RAB18: variants seen among roughly 807,000 people sequenced by gnomAD.
The protein encoded by RAB18 is ras-related protein Rab-18.
A neutral mutation model predicts 28.5 loss-of-function variants in RAB18; 10 were observed. The ratio of observed to expected loss-of-function variants is 0.35; its 90% CI spans 0.22 to 0.60. The LOEUF (loss-of-function observed/expected upper bound fraction) is 0.60, where lower values mean the gene tolerates loss of function less well. RAB18 is among the 20% of genes least tolerant of loss of function. The pLI, the probability that RAB18 is intolerant of heterozygous loss-of-function variation, is 0.78. For missense variants in RAB18, 188 were observed against 244.2 expected (o/e 0.77, Z 1.53); for synonymous variants, 93 against 86.9 (o/e 1.07, Z -0.39).
chr10:27,505,318 A>T (rs1458476624), intron 1 of RAB18: 1 of 370,584 alleles, frequency 2.7e-6, no homozygotes, highest in African/African-American at 2.1e-5. Flanking sequence ...GGCCGTCCTG[A>T]TCCTTAAACC....
At chr10:27,526,594 A>T (rs1834677808) in intron 2 of RAB18, among the ~76,000 whole-genome samples, 1 of 152,236 alleles carries the variant, frequency 6.6e-6, no homozygotes, top group Non-Finnish European at 1.5e-5. Context: ...TTGGAAGAAT[A>T]GAAGGTAGGT....
chr10:27,506,881 T>C (rs1837852903), intron 1 of RAB18, among the ~76,000 whole-genome samples: 1 of 151,984 alleles, frequency 6.6e-6, no homozygotes, highest in African/African-American at 2.4e-5. Flanking sequence ...CCTCAATACG[T>C]AGCAATGGAT....
intron 6 of RAB18, among the ~76,000 whole-genome samples, chr10:27,537,618 A>G (rs970670621): frequency 2.6e-5 from 4 of 152,344 alleles, no homozygotes; most frequent in South Asian, 2.1e-4. Context: ...ACAAGTTACA[A>G]TTCTATCACA....
intron 2 of RAB18, among the ~76,000 whole-genome samples, chr10:27,525,459 G>A (rs1834653642): frequency 6.6e-6 from 1 of 151,082 alleles, no homozygotes; most frequent in Non-Finnish European, 1.5e-5. Context: ...GGAAGAAAAT[G>A]TAGATAATTT....
chr10:27,509,653 A>G (rs761178176), intron 1 of RAB18, among the ~76,000 whole-genome samples: 1 of 152,182 alleles, frequency 6.6e-6, no homozygotes, highest in African/African-American at 2.4e-5. Context: ...CACGGGGAAT[A>G]TATTTCATAG....
In RAB18 at chr10:27,537,933, A is replaced by T; in HGVS notation, c.503A>T (p.Lys168Met). The T allele has an allele frequency of 6.2e-7, 1 of 1,614,082 alleles. No individual in the cohort carries two copies. Among genetic ancestry groups the T allele is most frequent in the Non-Finnish European group, 8.5e-7 (1 of 1,180,000 alleles). ...TGTGCCTTTGAAGAACTTGTTGAAA[A>T]GATCATTCAGACCCCTGGACTGTGG... ...VQCAFEELVEKIIQTPGLWES... is the reference protein window; with the variant it reads ...VQCAFEELVEMIIQTPGLWES... Residue 168 changes from lysine to methionine, a missense_variant, in exon 7 of 7, where the codon AAG becomes ATG. Transcript: ENST00000356940.
At chr10:27,522,882 A>AT (rs1040341185) in intron 2 of RAB18, among the ~76,000 whole-genome samples, 5 of 151,182 alleles carry the variant, frequency 3.3e-5, no homozygotes, top group Non-Finnish European at 7.4e-5. Context: ...CTTTGTAATG[A>AT]TTTTTTTTGT....
At chr10:27,532,946 A>C (rs1834817777) in intron 4 of RAB18, among the ~76,000 whole-genome samples, 1 of 152,066 alleles carries the variant, frequency 6.6e-6, no homozygotes, top group African/African-American at 2.4e-5. Flanking sequence ...TGATTAGTAG[A>C]ATCTGCTTTA....
rs1834988290 is a variant in RAB18 at position 27,539,957 on chromosome 10, T to A, written c.*1906T>A. The A allele has an allele frequency of 2.2e-6, 1 of 453,468 alleles. No individual in the cohort carries two copies. Among genetic ancestry groups the A allele is most frequent in the East Asian group, 6.9e-5 (1 of 14,392 alleles). The allele number at this position is 453,468 out of a possible 1,614,324, so 28.1% of individuals were successfully genotyped here. Reference sequence around the variant, plus strand: ...TTGTTGCAAGCTTAGTGTTTTGTAGTGGAGGTTTTGTAAATGAAACAGTTG... The same window carrying A: ...TTGTTGCAAGCTTAGTGTTTTGTAGAGGAGGTTTTGTAAATGAAACAGTTG... On this transcript the variant is annotated 3_prime_UTR_variant, in exon 7 of 7. Transcript: ENST00000356940.
chr10:27,524,925 GCTAC>G (rs1419838152), intron 2 of RAB18, among the ~76,000 whole-genome samples: 3 of 152,218 alleles, frequency 2.0e-5, no homozygotes, highest in Non-Finnish European at 4.4e-5. Flanking sequence ...GCCCCTTCAG[GCTAC>G]CTGTGTCTGT....
chr10:27,515,830 C>T (rs951083035), intron 2 of RAB18, among the ~76,000 whole-genome samples: 14 of 152,022 alleles, frequency 9.2e-5, no homozygotes, highest in African/African-American at 3.1e-4. Flanking sequence ...TCTGATCCTC[C>T]TTCCTTCTTT....
rs1834942731 is a variant in RAB18, at chr10:27,538,275, T to A, written c.*224T>A. On this transcript the variant is annotated 3_prime_UTR_variant, in exon 7 of 7. Coordinates refer to ENST00000356940, the MANE Select transcript of RAB18 (RefSeq NM_021252.5). Reference sequence around the variant, plus strand: ...GTTTTTTTATGTAGCACAAAATAGGTGTACCTTTATAAGTACATTCAATTT... The same window carrying A: ...GTTTTTTTATGTAGCACAAAATAGGAGTACCTTTATAAGTACATTCAATTT... The A allele has an allele frequency of 9.1e-6, 6 of 658,346 alleles. No individual in the cohort carries two copies. The highest frequency in any genetic ancestry group is 1.7e-5 in the Non-Finnish European group (6 of 360,042). The allele number at this position is 658,346 out of a possible 1,614,324, so 40.8% of individuals were successfully genotyped here. A position where few individuals can be genotyped will look rare whatever the true frequency, so the allele number is the denominator to read the frequency against.
At chr10:27,529,462 T>G (rs1834744650) in intron 3 of RAB18, among the ~76,000 whole-genome samples, 1 of 151,960 alleles carries the variant, frequency 6.6e-6, no homozygotes. Flanking sequence ...AATAGAATAA[T>G]TAAGCATAGC....
At position 27,541,387 on chromosome 10, in the gene RAB18, C is replaced by T. The variant is rs550002864; in HGVS notation, c.*3336C>T. On this transcript the variant is annotated 3_prime_UTR_variant, in exon 7 of 7. Transcript: ENST00000356940. ...TTTTTCTCTCCTCAGTTGGGAACAT[C>T]TATCATGCTGGAGGACTACTGTGAT... The T allele has an allele frequency of 4.4e-6, 2 of 452,220 alleles. No individual in the cohort carries two copies. The highest frequency in any genetic ancestry group is 3.1e-5 in the South Asian group (2 of 64,420). 28.0% of individuals were successfully genotyped at this position (452,220 alleles called of 1,614,324 possible).
intron 3 of RAB18, chr10:27,531,402 A>T: frequency 2.9e-6 from 4 of 1,384,026 alleles, no homozygotes. Flanking sequence ...AACCTCTTAC[A>T]GGTTATTCTA....
chr10:27,514,420 G>A (rs1834390108), intron 2 of RAB18, among the ~76,000 whole-genome samples: 1 of 151,928 alleles, frequency 6.6e-6, no homozygotes, highest in Non-Finnish European at 1.5e-5. Context: ...GAAAATGCAA[G>A]GTAAGCTGAT....
chr10:27,515,482 A>G (rs539481233), intron 2 of RAB18, among the ~76,000 whole-genome samples: 1 of 152,294 alleles, frequency 6.6e-6, no homozygotes, highest in African/African-American at 2.4e-5. Context: ...AATATGTGAA[A>G]ATGTCTTTTG....
intron 1 of RAB18, 149 bp from the exon 2 acceptor site, chr10:27,509,726 A>G: frequency 1.4e-6 from 1 of 709,158 alleles, no homozygotes; most frequent in Non-Finnish European, 2.5e-6. Flanking sequence ...TTCTGTGTAT[A>G]CCTGCTCTGA....
chr10:27,520,245 TTA>T lies in RAB18; in HGVS notation c.125-6581_125-6580del, dbSNP rs76029714. ...TATTTGTTAGAATTTGCCCATTTAA[TTA>T]TGTTATCCATTTCGTTGACATAACG... On this transcript the variant is annotated intron_variant, in intron 2 of 6. Transcript: ENST00000356940. 0.023 allele frequency among the ~76,000 whole-genome samples: 3,520 copies of T among 152,302 alleles called. 303 individuals carry two copies. In the East Asian group the frequency reaches 0.3, roughly 13 times the overall value.
Sources: allele counts gnomAD v4.1 joint callset (sites outside exome capture counted in the v4.1 genomes callset), GRCh38; gene constraint gnomAD v4.1.1; transcripts MANE v1.5; gene names NCBI Gene and HGNC (gene_info 2026-07-23, HGNC 2026-07-21).